The following RNLS variants were observed in gnomAD, a reference collection of about 807,000 sequenced individuals.
The protein encoded by RNLS is renalase, FAD dependent amine oxidase.
In RNLS, 39 loss-of-function variants were observed where a neutral mutation model predicts 39.8. That is an observed-to-expected ratio of 0.98 (90% CI 0.76 to 1.28). The LOEUF is 1.28. Ranked by LOEUF, RNLS falls within the 50% of genes most tolerant of loss-of-function variation. RNLS has a pLI of 0.00. For missense variants in RNLS, 410 were observed against 413.3 expected, an observed-to-expected ratio of 0.99 and a Z score of 0.07; for synonymous variants, 147 against 150.7, an observed-to-expected ratio of 0.98 and a Z score of 0.18.
intron 4 of RNLS, among the ~76,000 whole-genome samples, chr10:88,451,590 A>G (rs976260643): frequency 6.6e-6 from 1 of 152,198 alleles, no homozygotes; most frequent in African/African-American, 2.4e-5. Flanking sequence ...ATTTTCTCAT[A>G]TATCTCCCAC....
At chr10:88,477,966 G>A (rs1179851704) in intron 4 of RNLS, among the ~76,000 whole-genome samples, 1 of 152,134 alleles carries the variant, frequency 6.6e-6, no homozygotes, top group African/African-American at 2.4e-5. Flanking sequence ...GGAATCTTAT[G>A]AGGCCATATG....
intron 4 of RNLS, among the ~76,000 whole-genome samples, chr10:88,550,954 A>C (rs1261788102): frequency 5.3e-5 from 8 of 152,216 alleles, no homozygotes; most frequent in Non-Finnish European, 1.2e-4. Context: ...TTAGGATTCT[A>C]TATAGAACTA....
At chr10:88,283,886 T>C (rs1295466076), downstream of RNLS, among the ~76,000 whole-genome samples, 3 of 151,998 alleles carry the variant, frequency 2.0e-5, no homozygotes, top group Non-Finnish European at 4.4e-5. Flanking sequence ...GGTGACAAAA[T>C]AATCCGTACA....
chr10:88,280,199 C>T (rs146252442), downstream of RNLS, among the ~76,000 whole-genome samples: 19 of 152,192 alleles, frequency 1.2e-4, no homozygotes, highest in South Asian at 1.2e-3. Flanking sequence ...TTTATATGAA[C>T]GTAAGCCTCA....
At chr10:88,323,486 AAAAC>A (rs1250360245) in intron 5 of RNLS, among the ~76,000 whole-genome samples, 1 of 152,200 alleles carries the variant, frequency 6.6e-6, no homozygotes, top group East Asian at 1.9e-4. Context: ...AAAGTCAATA[AAAAC>A]AAACAATGAA....
chr10:88,273,911 G>A (rs893214633), exon 7 of RNLS: 1 of 152,046 alleles, frequency 6.6e-6, no homozygotes, highest in Admixed American at 6.6e-5. Flanking sequence ...TTACTCATAA[G>A]GCAGAACACG....
At chr10:88,314,027 A>C (rs908942987) in intron 6 of RNLS, among the ~76,000 whole-genome samples, 3 of 152,216 alleles carry the variant, frequency 2.0e-5, no homozygotes, top group African/African-American at 7.2e-5. Flanking sequence ...ACCAAAGTGG[A>C]AACTTAATAA....
At chr10:88,347,684 T>G (rs375296078) in intron 5 of RNLS, among the ~76,000 whole-genome samples, 22 of 152,126 alleles carry the variant, frequency 1.4e-4, no homozygotes, top group African/African-American at 5.3e-4. Context: ...TAGAGAGTTG[T>G]GGGAGGGCCA....
At chr10:88,325,452 A>G (rs560882994) in intron 5 of RNLS, among the ~76,000 whole-genome samples, 1 of 152,340 alleles carries the variant, frequency 6.6e-6, no homozygotes, top group East Asian at 1.9e-4. Flanking sequence ...CAGCAGCATT[A>G]TAATCATCAG....
chr10:88,298,283 T>G (rs1844237182), intron 6 of RNLS, among the ~76,000 whole-genome samples: 1 of 152,168 alleles, frequency 6.6e-6, no homozygotes, highest in Non-Finnish European at 1.5e-5. Context: ...ATCCTTTGGG[T>G]TATCTTTTCA....
At chr10:88,581,426 T>C (rs1202104263) in intron 3 of RNLS, 141 bp downstream of exon 3, 8 of 565,336 alleles carry the variant, frequency 1.4e-5, no homozygotes, top group Non-Finnish European at 2.0e-5. Context: ...AATGATTACT[T>C]TGGGGAAGGA....
the RNLS span, among the ~76,000 whole-genome samples, chr10:88,251,560 T>C: frequency 2.6e-5 from 4 of 152,164 alleles, no homozygotes; most frequent in Non-Finnish European, 4.4e-5. Flanking sequence ...ATGGAATGGA[T>C]TGGGTAGCTG....
At chr10:88,500,668 G>A (rs1026929375) in intron 4 of RNLS, among the ~76,000 whole-genome samples, 3 of 152,198 alleles carry the variant, frequency 2.0e-5, no homozygotes, top group Non-Finnish European at 2.9e-5. Context: ...AAGTAATTGC[G>A]CTTTTTCCCA....
chr10:88,214,498 C>CA, the RNLS span, among the ~76,000 whole-genome samples: 2,567 of 134,634 alleles, frequency 0.019, 88 homozygotes, highest in African/African-American at 0.063. Flanking sequence ...GACTCCGTCT[C>CA]AAAAAAAAAA....
chr10:88,370,794 T>C (rs1373966389), intron 4 of RNLS, among the ~76,000 whole-genome samples: 1 of 151,928 alleles, frequency 6.6e-6, no homozygotes, highest in Non-Finnish European at 1.5e-5. Flanking sequence ...ACCAGGAGAG[T>C]TTGAAATTTT....
chr10:88,256,189 G>A, the RNLS span, among the ~76,000 whole-genome samples: 1 of 151,718 alleles, frequency 6.6e-6, no homozygotes, highest in Non-Finnish European at 1.5e-5. Context: ...TATTTGCAAG[G>A]AAATGGTCAC....
the RNLS span, among the ~76,000 whole-genome samples, chr10:88,216,467 C>T: frequency 6.6e-6 from 1 of 152,168 alleles, no homozygotes; most frequent in African/African-American, 2.4e-5. Flanking sequence ...AATGACCTCC[C>T]AGAAGCATCT....
the RNLS span, among the ~76,000 whole-genome samples, chr10:88,193,166 C>T: frequency 2.0e-5 from 3 of 152,148 alleles, no homozygotes; most frequent in African/African-American, 7.2e-5. Context: ...TAATGGTCAA[C>T]AGGCCTCTAG....
chr10:88,351,886 G>T (rs1293365769), intron 5 of RNLS, among the ~76,000 whole-genome samples: 1 of 152,138 alleles, frequency 6.6e-6, no homozygotes, highest in African/African-American at 2.4e-5. Flanking sequence ...TTGTTGAGTA[G>T]TGGTTTGTAG....
Sources: allele counts gnomAD v4.1 joint callset (sites outside exome capture counted in the v4.1 genomes callset), GRCh38; gene constraint gnomAD v4.1.1; transcripts MANE v1.5; gene names NCBI Gene and HGNC (gene_info 2026-07-23, HGNC 2026-07-21).